PPM1B: variants seen among roughly 807,000 people sequenced by gnomAD.
PPM1B encodes the protein protein phosphatase 1B.
Under a neutral mutation model 43.0 loss-of-function variants are expected in PPM1B, and 22 were observed. The observed-to-expected ratio is 0.51, with a 90% CI of 0.37 to 0.73. PPM1B has a LOEUF of 0.73. Ranked by LOEUF, PPM1B falls within the 30% of genes least tolerant of loss-of-function variation. The probability of loss-of-function intolerance (pLI) is 0.00; values close to 1 mark genes in which losing one functional copy is unlikely to be tolerated. For synonymous variants in PPM1B, 217 were observed against 197.9 expected (o/e 1.10, Z -0.81); for missense variants, 632 against 584.2 (o/e 1.08, Z -0.84).
chr2:44,196,900 C>G (rs1016453993), intron 1 of PPM1B, among the ~76,000 whole-genome samples: 11 of 152,162 alleles, frequency 7.2e-5, no homozygotes, highest in Non-Finnish European at 1.0e-4. Context: ...TCTAAGCCAC[C>G]TTAGCATGTT....
At chr2:44,177,482 G>C (rs548333234) in intron 1 of PPM1B, among the ~76,000 whole-genome samples, 1 of 140,850 alleles carries the variant, frequency 7.1e-6, no homozygotes, top group South Asian at 2.3e-4. Flanking sequence ...GTAGTGGCAT[G>C]ATCTCGGCTC....
In PPM1B at chr2:44,201,446, G is replaced by A. The variant is rs1319193383; in HGVS notation, c.247G>A (p.Glu83Lys). The change falls in exon 2 of 6, where the codon GAA (glutamate) becomes AAA (lysine). Residue 83 changes from glutamate (E) to lysine (K), a missense_variant. Glu to Lys is a moderately conservative substitution (Grantham distance 56). Around this residue, in one of 3 missense-constraint regions of PPM1B, gnomAD observed 200 missense variants for 200.7 expected, o/e 1.00. Transcript: ENST00000282412. This position sits in a 1 kb window ranked among gnomAD's most constrained non-coding sequence, Gnocchi z 5.4. Reference protein sequence around the residue: ...THLLEHITTNEDFRAAGKSGS... With the variant: ...THLLEHITTNKDFRAAGKSGS... ...TTTATTAGAACACATCACTACTAACGAAGACTTTAGGGCAGCTGGAAAATC... is the reference window on the plus strand; with the variant it reads ...TTTATTAGAACACATCACTACTAACAAAGACTTTAGGGCAGCTGGAAAATC... 3.7e-6 allele frequency: 6 copies of A among 1,614,146 alleles called. No homozygotes were observed. Among genetic ancestry groups the A allele is most frequent in the Admixed American group, 1.7e-5 (1 of 60,016 alleles).
chr2:44,191,885 C>CA (rs374546264), intron 1 of PPM1B, among the ~76,000 whole-genome samples: 13 of 152,000 alleles, frequency 8.6e-5, no homozygotes, highest in Admixed American at 2.0e-4. Flanking sequence ...TTTGAAATTT[C>CA]AGTTGCTTTT....
At chr2:44,213,347 T>A (rs1376998769) in intron 3 of PPM1B, among the ~76,000 whole-genome samples, 3 of 151,718 alleles carry the variant, frequency 2.0e-5, no homozygotes, top group Admixed American at 6.6e-5. Context: ...GATTCTTTTT[T>A]TTTTTTTTGG....
intron 1 of PPM1B, among the ~76,000 whole-genome samples, chr2:44,181,937 G>T (rs1246586687): frequency 2.6e-5 from 4 of 151,796 alleles, no homozygotes; most frequent in African/African-American, 7.2e-5. Flanking sequence ...ACAGAAAAAA[G>T]AATAAAGAAT....
chr2:44,188,800 C>T (rs1253775797), intron 1 of PPM1B, among the ~76,000 whole-genome samples: 2 of 141,740 alleles, frequency 1.4e-5, no homozygotes, highest in African/African-American at 5.1e-5. Flanking sequence ...CCCTCCCCTT[C>T]CCACTCCCCT....
At chr2:44,209,586 G>A (rs1286959160) in intron 3 of PPM1B, among the ~76,000 whole-genome samples, 1 of 152,080 alleles carries the variant, frequency 6.6e-6, no homozygotes, top group Non-Finnish European at 1.5e-5. Context: ...ACACCATCCT[G>A]GCTACACGGT....
At chr2:44,197,313 C>G (rs1391895176) in intron 1 of PPM1B, among the ~76,000 whole-genome samples, 3 of 152,120 alleles carry the variant, frequency 2.0e-5, no homozygotes, top group Non-Finnish European at 2.9e-5. Context: ...GAAATGGAGT[C>G]TCATTATGTT....
Position 44,217,946 on chromosome 2 carries a change from C to CT in PPM1B, c.965-14dup, listed in dbSNP as rs780040577. 25 of 1,538,248 alleles carry CT rather than the reference C, an allele frequency of 1.6e-5. No homozygotes were observed. In the African/African-American group the frequency reaches 2.0e-4, roughly 12 times the overall value. On this transcript the variant is annotated intron_variant, in intron 3 of 5. Transcript: ENST00000282412. The stretch of plus-strand genomic sequence containing the variant: ...CTGGCTTATCACATTAATTTAGGAA[C>CT]TTTTTTTAAAAAACCTACAGAGATT...
chr2:44,232,482 A>G, downstream of PPM1B: 1 of 1,510,296 alleles, frequency 6.6e-7, no homozygotes. Flanking sequence ...AATCATTAGC[A>G]TTTCCCATCA....
chr2:44,243,573 T>C (rs1165694320), intron 5 of PPM1B, among the ~76,000 whole-genome samples: 1 of 152,202 alleles, frequency 6.6e-6, no homozygotes, highest in Non-Finnish European at 1.5e-5. Flanking sequence ...AACATTTTCC[T>C]ATAGATTTTT....
intron 1 of PPM1B, among the ~76,000 whole-genome samples, chr2:44,188,993 C>T (rs996693308): frequency 2.0e-5 from 3 of 152,050 alleles, no homozygotes; most frequent in African/African-American, 7.3e-5. Flanking sequence ...TTCAGTCTCC[C>T]GGGTAGCTGG....
downstream of PPM1B, among the ~76,000 whole-genome samples, chr2:44,245,859 G>T (rs1670844660): frequency 6.6e-6 from 1 of 152,208 alleles, no homozygotes; most frequent in South Asian, 2.1e-4. Flanking sequence ...GAAACCTTGA[G>T]CTTCCTTCCT....
downstream of PPM1B, among the ~76,000 whole-genome samples, chr2:44,239,393 C>G (rs1340525068): frequency 6.6e-6 from 1 of 151,844 alleles, no homozygotes; most frequent in Non-Finnish European, 1.5e-5. Context: ...GTCTAGATAC[C>G]AATCCTTTGT....
intron 1 of PPM1B, among the ~76,000 whole-genome samples, chr2:44,198,789 C>G (rs150771753): frequency 2.0e-4 from 31 of 152,228 alleles, no homozygotes; most frequent in African/African-American, 7.0e-4. Context: ...GCTCTTAAGA[C>G]TGTTGAAGAT....
At chr2:44,170,652 T>TG (rs1294903255) in intron 1 of PPM1B, among the ~76,000 whole-genome samples, 1 of 152,220 alleles carries the variant, frequency 6.6e-6, no homozygotes, top group Non-Finnish European at 1.5e-5. Flanking sequence ...CTTTCTCTGT[T>TG]GTGCAATAGC....
intron 5 of PPM1B, among the ~76,000 whole-genome samples, chr2:44,229,475 C>T (rs1187689744): frequency 6.6e-6 from 1 of 152,128 alleles, no homozygotes; most frequent in Non-Finnish European, 1.5e-5. Flanking sequence ...TTGAAACTGA[C>T]TTTGAAGAAT....
At chr2:44,212,793 G>C (rs892018434) in intron 3 of PPM1B, among the ~76,000 whole-genome samples, 2 of 152,004 alleles carry the variant, frequency 1.3e-5, no homozygotes, top group African/African-American at 4.8e-5. Flanking sequence ...GGCAGATCAC[G>C]AGGTCTGGAG....
intron 1 of PPM1B, among the ~76,000 whole-genome samples, chr2:44,174,944 C>G (rs1179938911): frequency 2.0e-5 from 3 of 152,072 alleles, no homozygotes; most frequent in Non-Finnish European, 4.4e-5. Flanking sequence ...ACACAGGTGG[C>G]CTTTCTTAGT....
Sources: gnomAD v4.1 joint callset for allele counts (sites outside exome capture counted in the v4.1 genomes callset) on GRCh38, gnomAD v4.1.1 for gene constraint, gnomAD v4.1.1 regional missense constraint, Gnocchi (gnomAD v3.1) non-coding constraint, MANE v1.5 for transcripts, NCBI Gene and HGNC (gene_info 2026-07-23, HGNC 2026-07-21) for gene names.